The following ARHGAP6 variants were observed in gnomAD, a reference collection of about 807,000 sequenced individuals.
The protein encoded by ARHGAP6 is Rho GTPase activating protein 6.
ARHGAP6 carries 16 observed loss-of-function variants against 55.7 expected under a neutral mutation model. The observed-to-expected ratio is 0.29, with a 90% CI of 0.19 to 0.44. ARHGAP6 has a LOEUF of 0.44. ARHGAP6 is among the 20% of genes least tolerant of loss of function. The pLI, the probability that ARHGAP6 is intolerant of heterozygous loss-of-function variation, is 1.00. For missense variants in ARHGAP6, 698 were observed against 808.9 expected (o/e 0.86, Z 1.66); for synonymous variants, 382 against 360.9 (o/e 1.06, Z -0.66).
chrX:11,641,374 C>G (rs113501448), intron 1 of ARHGAP6, among the ~76,000 whole-genome samples: 8 of 111,629 alleles, frequency 7.2e-5, no homozygotes, highest in African/African-American at 2.3e-4. Context: ...AAATGTTTTC[C>G]AAAGACACTT....
intron 1 of ARHGAP6, among the ~76,000 whole-genome samples, chrX:11,419,865 TTTCTC>T (rs2049797689): frequency 8.9e-6 from 1 of 112,960 alleles, no homozygotes; most frequent in East Asian, 2.8e-4. Flanking sequence ...CATGGCAACT[TTTCTC>T]TAAAGCCACA....
At chrX:11,161,590 C>T (rs1426775724) in intron 9 of ARHGAP6, among the ~76,000 whole-genome samples, 4 of 108,755 alleles carry the variant, frequency 3.7e-5, no homozygotes, top group Non-Finnish European at 7.6e-5. Context: ...GAATCAAAAG[C>T]GCTAAAAAAA....
At chrX:11,593,706 C>G (rs1288143776) in intron 1 of ARHGAP6, among the ~76,000 whole-genome samples, 2 of 111,679 alleles carry the variant, frequency 1.8e-5, no homozygotes, top group Non-Finnish European at 3.8e-5. Flanking sequence ...TATGGGAACT[C>G]TGCACTTTCA....
chrX:11,395,460 G>A (rs958540492), intron 1 of ARHGAP6, among the ~76,000 whole-genome samples: 17 of 112,352 alleles, frequency 1.5e-4, no homozygotes, highest in African/African-American at 4.9e-4. Context: ...GGAAAGCTCT[G>A]ATTTGCGCCA....
intron 1 of ARHGAP6, among the ~76,000 whole-genome samples, chrX:11,482,190 A>C (rs960095031): frequency 8.9e-6 from 1 of 112,177 alleles, no homozygotes; most frequent in Non-Finnish European, 1.9e-5. Context: ...AGTGCGCAGG[A>C]TAGTCCCCCA....
chrX:11,581,957 T>TA (rs1335524525), intron 1 of ARHGAP6, among the ~76,000 whole-genome samples: 2 of 111,675 alleles, frequency 1.8e-5, no homozygotes, highest in Non-Finnish European at 3.8e-5. Context: ...TAGCCGGAGA[T>TA]ATGATGACTT....
intron 2 of ARHGAP6, among the ~76,000 whole-genome samples, chrX:11,238,776 C>G (rs1435932735): frequency 1.8e-5 from 2 of 111,407 alleles, no homozygotes; most frequent in African/African-American, 3.3e-5. Context: ...GAAAGCTATA[C>G]TAGTGAGCCT....
chrX:11,427,736 G>A (rs933880325), intron 1 of ARHGAP6: 3 of 770,469 alleles, frequency 3.9e-6, no homozygotes, highest in South Asian at 1.1e-4. Context: ...TGTGCAAAGC[G>A]CCCCTGGCAC....
chrX:11,176,349 A>C (rs1316980871), intron 8 of ARHGAP6, among the ~76,000 whole-genome samples: 7 of 56,884 alleles, frequency 1.2e-4, no homozygotes, highest in Admixed American at 2.3e-4. Flanking sequence ...ATATATATAT[A>C]TCTCCCCTAG....
intron 1 of ARHGAP6, among the ~76,000 whole-genome samples, chrX:11,557,758 G>A (rs1006630272): frequency 1.8e-5 from 2 of 112,255 alleles, no homozygotes; most frequent in Admixed American, 9.4e-5. Context: ...TTTTATAGGT[G>A]CCACAATATA....
intron 1 of ARHGAP6, among the ~76,000 whole-genome samples, chrX:11,517,645 T>C (rs1603239242): frequency 9.0e-6 from 1 of 111,654 alleles, no homozygotes; most frequent in East Asian, 2.8e-4. Context: ...TTGTGATAAA[T>C]GGATCATGTC....
chrX:11,487,073 G>A (rs2050518620), intron 1 of ARHGAP6, among the ~76,000 whole-genome samples: 1 of 112,035 alleles, frequency 8.9e-6, no homozygotes, highest in African/African-American at 3.2e-5. Context: ...AATGAGAAAT[G>A]TTCATGTGGT....
intron 1 of ARHGAP6, among the ~76,000 whole-genome samples, chrX:11,342,406 G>A (rs1366946223): frequency 1.8e-5 from 2 of 111,820 alleles, no homozygotes; most frequent in African/African-American, 3.3e-5. Flanking sequence ...CACATTGGAC[G>A]CTATAGTCTG....
intron 1 of ARHGAP6, among the ~76,000 whole-genome samples, chrX:11,531,597 C>CT (rs11382998): frequency 0.1 from 10,654 of 102,747 alleles, 700 homozygotes; most frequent in African/African-American, 0.22. Context: ...ACAGGGGGTT[C>CT]TTTTTTTTTT....
At chrX:11,448,595 C>T (rs2050115908) in intron 1 of ARHGAP6, among the ~76,000 whole-genome samples, 1 of 111,495 alleles carries the variant, frequency 9.0e-6, no homozygotes, top group Non-Finnish European at 1.9e-5. Context: ...AGAACCAGCA[C>T]GATTTCTGGG....
intron 1 of ARHGAP6, among the ~76,000 whole-genome samples, chrX:11,559,966 G>A (rs1175846084): frequency 1.3e-5 from 1 of 78,383 alleles, no homozygotes; most frequent in African/African-American, 5.4e-5. Flanking sequence ...TAATAATAAA[G>A]TAGGAATTCA....
chrX:11,178,273 C>G lies in ARHGAP6; in HGVS notation c.1481-25G>C, dbSNP rs1401066669. ...ACTAAGCAAGGCAAAAAGAGGTACTCAAATAAAAGGGGAGCCCATACTATT... is the reference window on the plus strand; with the variant it reads ...ACTAAGCAAGGCAAAAAGAGGTACTGAAATAAAAGGGGAGCCCATACTATT... On this transcript the variant is annotated intron_variant, in intron 7 of 12. Coordinates refer to ENST00000337414, the MANE Select transcript of ARHGAP6 (RefSeq NM_013427.3). The G allele has an allele frequency of 3.4e-6, 4 of 1,179,423 alleles. No individual in the cohort carries two copies. In the Admixed American group the frequency reaches 7.3e-5, roughly 22 times the overall value.
chrX:11,406,484 A>G, intron 1 of ARHGAP6, among the ~76,000 whole-genome samples: 1 of 111,047 alleles, frequency 9.0e-6, no homozygotes, highest in African/African-American at 3.3e-5. Flanking sequence ...ACACACACAC[A>G]CCCCACACAC....
At chrX:11,603,349 A>T (rs1172491682) in intron 1 of ARHGAP6, among the ~76,000 whole-genome samples, 3 of 111,806 alleles carry the variant, frequency 2.7e-5, no homozygotes, top group Non-Finnish European at 3.8e-5. Context: ...ATTTTTTTTT[A>T]AATTAACAGA....
Sources: gnomAD v4.1 joint callset for allele counts (sites outside exome capture counted in the v4.1 genomes callset) on GRCh38, gnomAD v4.1.1 for gene constraint, MANE v1.5 for transcripts, NCBI Gene and HGNC (gene_info 2026-07-23, HGNC 2026-07-21) for gene names.